The following PCDHGB6 variants were observed in gnomAD, a reference collection of about 807,000 sequenced individuals.
PCDHGB6 encodes the protein protocadherin gamma-B6.
A neutral mutation model predicts 59.1 loss-of-function variants in PCDHGB6; 51 were observed. That is an observed-to-expected ratio of 0.86 (90% CI 0.69 to 1.09). PCDHGB6 has a LOEUF of 1.09. Among genes scored for constraint, PCDHGB6 ranks in the 50% least tolerant of loss-of-function variants. The probability of loss-of-function intolerance (pLI) is 0.00; values close to 1 mark genes in which losing one functional copy is unlikely to be tolerated. For synonymous variants in PCDHGB6, 466 were observed against 495.1 expected, an observed-to-expected ratio of 0.94 and a Z score of 0.78; for missense variants, 1,148 against 1,205.1, an observed-to-expected ratio of 0.95 and a Z score of 0.70.
At chr5:141,418,603 G>C in intron 1 of PCDHGB6, 1 of 1,614,020 alleles carries the variant, frequency 6.2e-7, no homozygotes, top group Non-Finnish European at 8.5e-7. Context: ...ACGTGTACAG[G>C]GTTAGCCTTC....
intron 1 of PCDHGB6, chr5:141,413,078 C>A: frequency 7.7e-7 from 1 of 1,301,148 alleles, no homozygotes; most frequent in Non-Finnish European, 1.1e-6. Flanking sequence ...AGTGCCCAGG[C>A]TACAGAGACA....
Position 141,477,388 on chromosome 5 carries a change from C to T in PCDHGB6, c.2419-17419C>T. The T allele has an allele frequency of 6.2e-7, 1 of 1,614,136 alleles. No homozygotes were observed. The highest frequency in any genetic ancestry group is 8.5e-7 in the Non-Finnish European group (1 of 1,180,014). On this transcript the variant is annotated intron_variant, in intron 1 of 3. Transcript: ENST00000520790. The surrounding 1 kb of genome is among the most constrained non-coding windows in gnomAD (Gnocchi z 4.9). Reference sequence around the variant, plus strand: ...ATCGGGAGACTGTGCCAGAATACAACCTCAGCATCACCGCCCGAGACGCCG... The same window carrying T: ...ATCGGGAGACTGTGCCAGAATACAATCTCAGCATCACCGCCCGAGACGCCG...
rs1348297963 is a variant in PCDHGB6, at chr5:141,487,103, G to A, written c.2419-7704G>A. 6.2e-7 allele frequency: 1 copy of A among 1,614,124 alleles called. No individual in the cohort carries two copies. Among genetic ancestry groups the A allele is most frequent in the Non-Finnish European group, 8.5e-7 (1 of 1,180,000 alleles). On this transcript the variant is annotated intron_variant, in intron 1 of 3. Coordinates refer to ENST00000520790, the MANE Select transcript of PCDHGB6 (RefSeq NM_018926.3). The surrounding 1 kb of genome is among the most constrained non-coding windows in gnomAD (Gnocchi z 5.0). ...AGCTGACCTCCCACCACAGAAGCTG[G>A]TCATTGTGGTAAAGGATAGTGGTAG...
At chr5:141,415,135 G>A (rs1224251849) in intron 1 of PCDHGB6, 7 of 1,613,666 alleles carry the variant, frequency 4.3e-6, no homozygotes, top group East Asian at 2.2e-5. Flanking sequence ...CCAGGACCAC[G>A]GCCAGCCCCC....
At chr5:141,473,131 A>G (rs1262205483) in intron 1 of PCDHGB6, among the ~76,000 whole-genome samples, 2 of 152,214 alleles carry the variant, frequency 1.3e-5, no homozygotes, top group Admixed American at 6.5e-5. Context: ...TTGGCAAACT[A>G]TATTATCTCT....
At chr5:141,419,789 G>A (rs758649709) in intron 1 of PCDHGB6, 2 of 1,614,068 alleles carry the variant, frequency 1.2e-6, no homozygotes, top group South Asian at 2.2e-5. Context: ...GCGCCTGCTA[G>A]TCGCTGTAAG....
At chr5:141,460,043 A>G (rs527752346) in intron 1 of PCDHGB6, among the ~76,000 whole-genome samples, 1 of 152,276 alleles carries the variant, frequency 6.6e-6, no homozygotes, top group South Asian at 2.1e-4. Context: ...GCACCACTGC[A>G]CTCCAGCCTG....
At chr5:141,421,788 G>C (rs1262781272) in intron 1 of PCDHGB6, 7 of 1,613,682 alleles carry the variant, frequency 4.3e-6, no homozygotes, top group Admixed American at 3.3e-5. Flanking sequence ...GGGGCAGAAC[G>C]GATGGGGCCA....
In PCDHGB6 at chr5:141,422,240, T is replaced by C. The variant is rs1472994337; in HGVS notation, c.2418+11620T>C. ...ACCACCACGACGATGTTGATCACTG[T>C]TGTGGATGTGAATGATAACGCTCCA... On this transcript the variant is annotated intron_variant, in intron 1 of 3. Coordinates refer to ENST00000520790, the MANE Select transcript of PCDHGB6 (RefSeq NM_018926.3). 1.3e-6 allele frequency: 2 copies of C among 1,566,716 alleles called. No individual in the cohort carries two copies. The highest frequency in any genetic ancestry group is 1.2e-5 in the South Asian group (1 of 81,384).
In PCDHGB6 at chr5:141,511,233, T is replaced by C. The variant is rs776405064; in HGVS notation, c.*60T>C. 5.0e-6 allele frequency: 8 copies of C among 1,595,310 alleles called. No homozygotes were observed. Among genetic ancestry groups the C allele is most frequent in the Non-Finnish European group, 6.8e-6 (8 of 1,170,902 alleles). On this transcript the variant is annotated 3_prime_UTR_variant, in exon 4 of 4. Transcript: ENST00000520790. ...CTCCCCAACCAGCCCAGCTTCTCCT[T>C]ACCTGCACCCAGGCCTCAGAGTTTC...
chr5:141,412,923 G>A, intron 1 of PCDHGB6: 1 of 420,946 alleles, frequency 2.4e-6, no homozygotes, highest in East Asian at 3.6e-5. Flanking sequence ...CTTGGGTGCA[G>A]TAACTTCTTA....
intron 1 of PCDHGB6, among the ~76,000 whole-genome samples, chr5:141,436,290 T>C (rs2097808305): frequency 6.6e-6 from 1 of 152,164 alleles, no homozygotes; most frequent in Non-Finnish European, 1.5e-5. Flanking sequence ...GAACAAATCA[T>C]TGAGAGTTAG....
intron 2 of PCDHGB6, among the ~76,000 whole-genome samples, chr5:141,499,686 T>G (rs1400567357): frequency 1.3e-5 from 2 of 149,346 alleles, no homozygotes; most frequent in Non-Finnish European, 3.0e-5. Flanking sequence ...CTTTAACAGA[T>G]GACTTTTTTT....
intron 1 of PCDHGB6, chr5:141,417,742 G>A: frequency 7.0e-7 from 1 of 1,418,808 alleles, no homozygotes. Flanking sequence ...CAGCACACCA[G>A]ATTGCCAGCT....
intron 1 of PCDHGB6, chr5:141,422,908 C>T (rs1340882515): frequency 2.5e-6 from 4 of 1,614,126 alleles, no homozygotes; most frequent in Non-Finnish European, 3.4e-6. Context: ...CGACAATGCG[C>T]CCGAGATCCT....
chr5:141,463,359 T>C (rs2099057442), intron 1 of PCDHGB6, among the ~76,000 whole-genome samples: 2 of 151,672 alleles, frequency 1.3e-5, no homozygotes, highest in Admixed American at 6.6e-5. Flanking sequence ...GGATTTCCCC[T>C]TTCCTGCCCC....
chr5:141,421,749 C>T, intron 1 of PCDHGB6: 1 of 1,613,918 alleles, frequency 6.2e-7, no homozygotes, highest in Non-Finnish European at 8.5e-7. Flanking sequence ...ACCAGCTCAG[C>T]CCTAATAATT....
At chr5:141,464,870 C>G (rs1488189681) in intron 1 of PCDHGB6, among the ~76,000 whole-genome samples, 1 of 152,126 alleles carries the variant, frequency 6.6e-6, no homozygotes, top group Non-Finnish European at 1.5e-5. Flanking sequence ...TCCCAAGTAG[C>G]TAGGACTACA....
At chr5:141,449,025 C>G (rs2154562458) in intron 1 of PCDHGB6, among the ~76,000 whole-genome samples, 1 of 152,216 alleles carries the variant, frequency 6.6e-6, no homozygotes, top group East Asian at 1.9e-4. Flanking sequence ...GCTTAGCATT[C>G]CTTTGGATTA....
Sources: allele counts gnomAD v4.1 joint callset (sites outside exome capture counted in the v4.1 genomes callset), GRCh38; gene constraint gnomAD v4.1.1; non-coding constraint Gnocchi (gnomAD v3.1); transcripts MANE v1.5; gene names NCBI Gene and HGNC (gene_info 2026-07-23, HGNC 2026-07-21).